The following MAPKAPK2 variants were observed in gnomAD, a reference collection of about 807,000 sequenced individuals.
MAPKAPK2 encodes the protein MAP kinase-activated protein kinase 2.
Under a neutral mutation model 48.8 loss-of-function variants are expected in MAPKAPK2, and 9 were observed. That is an observed-to-expected ratio of 0.18 (90% CI 0.11 to 0.32). The LOEUF (loss-of-function observed/expected upper bound fraction) is 0.32, where lower values mean the gene tolerates loss of function less well. Among genes scored for constraint, MAPKAPK2 ranks in the 10% least tolerant of loss-of-function variants. The pLI is 1.00. For synonymous variants in MAPKAPK2, 202 were observed against 190.6 expected (o/e 1.06, Z -0.49); for missense variants, 331 against 498.3 (o/e 0.66, Z 3.20).
chr1:206,725,748 G>A (rs1304106528), intron 1 of MAPKAPK2, among the ~76,000 whole-genome samples: 10 of 152,126 alleles, frequency 6.6e-5, no homozygotes, highest in African/African-American at 2.4e-4. Context: ...TCCAGTTCCT[G>A]TGTGCCTGTA....
chr1:206,733,988 C>A lies in MAPKAPK2; in HGVS notation c.*1270C>A, dbSNP rs117368663. On this transcript the variant is annotated 3_prime_UTR_variant, in exon 10 of 10. Transcript: ENST00000367103. ...ACCCCAAACAACTCAGCTTCGGGGC[C>A]GGTGAGGGGAGGGGCCTCCCCCAGC... The A allele has an allele frequency of 6.5e-6, 1 of 152,710 alleles. No individual in the cohort carries two copies. The highest frequency in any genetic ancestry group is 2.4e-5 in the African/African-American group (1 of 41,440). The allele number at this position is 152,710 out of a possible 1,614,324, so 9.5% of individuals were successfully genotyped here.
chr1:206,685,722 C>CG (rs1672269270), intron 1 of MAPKAPK2, among the ~76,000 whole-genome samples: 1 of 150,656 alleles, frequency 6.6e-6, no homozygotes. Flanking sequence ...CGCTCCCGGG[C>CG]GGGAGCCCTG....
intron 1 of MAPKAPK2, among the ~76,000 whole-genome samples, chr1:206,691,504 TACACACATACACAG>T (rs1672457360): frequency 8.0e-5 from 9 of 112,164 alleles, no homozygotes; most frequent in South Asian, 2.7e-4. Flanking sequence ...TATATATATA[TACACACATACACAG>T]ATATAGATAT....
intron 1 of MAPKAPK2, among the ~76,000 whole-genome samples, chr1:206,688,663 A>G (rs1672359197): frequency 6.6e-6 from 1 of 152,000 alleles, no homozygotes; most frequent in South Asian, 2.1e-4. Flanking sequence ...TTTGAGACAG[A>G]GTGTTGCTCT....
At chr1:206,723,474 G>A (rs1242054587) in intron 1 of MAPKAPK2, among the ~76,000 whole-genome samples, 1 of 152,180 alleles carries the variant, frequency 6.6e-6, no homozygotes, top group Non-Finnish European at 1.5e-5. Flanking sequence ...AGGCACAAAG[G>A]GGTTGGAAAC....
chr1:206,728,651 G>A, intron 1 of MAPKAPK2, 59 bp from the exon 2 acceptor site: 2 of 1,567,304 alleles, frequency 1.3e-6, no homozygotes, highest in South Asian at 2.4e-5. Context: ...ATGTGGGCCA[G>A]GGGCTTAGAG....
intron 1 of MAPKAPK2, among the ~76,000 whole-genome samples, chr1:206,718,532 C>CAAAA (rs60964142): frequency 1.0e-3 from 119 of 114,668 alleles, no homozygotes; most frequent in African/African-American, 3.9e-3. Context: ...GACTCCATCT[C>CAAAA]AAAAAAAAAA....
chr1:206,687,792 A>G (rs1553425783), intron 1 of MAPKAPK2, among the ~76,000 whole-genome samples: 2 of 152,220 alleles, frequency 1.3e-5, no homozygotes, highest in Admixed American at 1.3e-4. Flanking sequence ...GAGTGGGGCA[A>G]GAGGGATTAC....
intron 1 of MAPKAPK2, chr1:206,696,106 C>T (rs1025160415): frequency 2.4e-5 from 33 of 1,351,132 alleles, no homozygotes; most frequent in Non-Finnish European, 3.0e-5. Context: ...ACCAGTCACA[C>T]GGCAGATGAT....
chr1:206,730,796 AG>A (rs1558589418), intron 6 of MAPKAPK2, 33 bp downstream of exon 6: 2 of 1,311,802 alleles, frequency 1.5e-6, no homozygotes, highest in Non-Finnish European at 1.1e-6. Context: ...TGGGTGGGGC[AG>A]GGAGTCAGGG....
chr1:206,694,224 A>G (rs562386363), intron 1 of MAPKAPK2, among the ~76,000 whole-genome samples: 3 of 152,242 alleles, frequency 2.0e-5, no homozygotes, highest in African/African-American at 7.2e-5. Context: ...TTCAGGAATT[A>G]TGGTTTATTT....
At chr1:206,698,439 G>C (rs10863784) in intron 1 of MAPKAPK2, among the ~76,000 whole-genome samples, 19,398 of 152,192 alleles carry the variant, frequency 0.13, 1,725 homozygotes, top group East Asian at 0.49. Flanking sequence ...TACTACTCAA[G>C]AAAATTAATT....
At chr1:206,707,466 GA>G (rs1381808246) in intron 1 of MAPKAPK2, among the ~76,000 whole-genome samples, 1 of 152,118 alleles carries the variant, frequency 6.6e-6, no homozygotes, top group Non-Finnish European at 1.5e-5. Flanking sequence ...CAAAGGTAGA[GA>G]AAAAAGGGGC....
In MAPKAPK2 at chr1:206,732,740, C is replaced by A; in HGVS notation, c.*22C>A. 6.2e-7 allele frequency: 1 copy of A among 1,613,188 alleles called. No individual in the cohort carries two copies. Among genetic ancestry groups the A allele is most frequent in the Non-Finnish European group, 8.5e-7 (1 of 1,179,560 alleles). ...CTGAGCCACCGCGCCCTCCTGCCCA[C>A]GGGAGGACAAGCAATAACTCTCTAC... is the stretch of plus-strand genomic sequence containing the variant. On this transcript the variant is annotated 3_prime_UTR_variant, in exon 10 of 10. Transcript: ENST00000367103. This position sits in a 1 kb window ranked among gnomAD's most constrained non-coding sequence, Gnocchi z 4.4.
At chr1:206,730,976 C>T (rs1673883142) in intron 6 of MAPKAPK2, among the ~76,000 whole-genome samples, 162 bp from the exon 7 acceptor site, 1 of 152,158 alleles carries the variant, frequency 6.6e-6, no homozygotes, top group Non-Finnish European at 1.5e-5. Flanking sequence ...TGCTGGATTC[C>T]CGGGCCCCGG....
At position 206,685,312 on chromosome 1, in the gene MAPKAPK2, T is replaced by G; in HGVS notation, c.83T>G (p.Leu28Arg). 1.1e-5 allele frequency: 4 copies of G among 364,240 alleles called. No homozygotes were observed. Among genetic ancestry groups the G allele is most frequent in the East Asian group, 1.9e-4 (1 of 5,310 alleles). The allele number at this position is 364,240 out of a possible 1,614,324, so 22.6% of individuals were successfully genotyped here. ...CCGCCGCAGCCCCCCACCCCTGCCC[T>G]GCCGCACCCCCCGGCGCAGCCGCCG... ...APPPQPPTPA[L>R]PHPPAQPPPP... The change falls in exon 1 of 10, where the codon CTG becomes CGG. Residue 28 changes from leucine (L) to arginine (R), a missense_variant. Coordinates refer to ENST00000367103, the MANE Select transcript of MAPKAPK2 (RefSeq NM_032960.4).
chr1:206,704,136 A>ACC lies in MAPKAPK2; in HGVS notation c.279+18628_279+18629insCC, dbSNP rs1553428243. Among the ~76,000 whole-genome samples the ACC allele has an allele frequency of 1.3e-5, 2 of 152,238 alleles. No homozygotes were observed. Among genetic ancestry groups the ACC allele is most frequent in the East Asian group, 3.8e-4 (2 of 5,200 alleles). On this transcript the variant is annotated intron_variant, in intron 1 of 9. Coordinates refer to ENST00000367103, the MANE Select transcript of MAPKAPK2 (RefSeq NM_032960.4). The surrounding 1 kb of genome is among the most constrained non-coding windows in gnomAD (Gnocchi z 4.3). ...CCAATCCAAAGTGAGGGTCTATCTG[A>ACC]TAGTTTTTCCTGGAGTTGGGGAGGG...
intron 1 of MAPKAPK2, among the ~76,000 whole-genome samples, chr1:206,697,507 A>G (rs1157532829): frequency 8.6e-5 from 13 of 151,928 alleles, no homozygotes; most frequent in African/African-American, 2.7e-4. Flanking sequence ...GGGAGCAGGC[A>G]TGTCACATGT....
chr1:206,726,028 A>G (rs1673691904), intron 1 of MAPKAPK2, among the ~76,000 whole-genome samples: 1 of 152,236 alleles, frequency 6.6e-6, no homozygotes, highest in African/African-American at 2.4e-5. Flanking sequence ...GAAATTGGCC[A>G]GTGCCTTCTC....
Sources: gnomAD v4.1 joint callset for allele counts (sites outside exome capture counted in the v4.1 genomes callset) on GRCh38, gnomAD v4.1.1 for gene constraint, Gnocchi (gnomAD v3.1) non-coding constraint, MANE v1.5 for transcripts, NCBI Gene and HGNC (gene_info 2026-07-23, HGNC 2026-07-21) for gene names.